TAF1A: variants seen among roughly 807,000 people sequenced by gnomAD.
TAF1A encodes TATA box-binding protein-associated factor RNA polymerase I subunit A.
TAF1A carries 42 observed loss-of-function variants against 61.6 expected under a neutral mutation model. The ratio of observed to expected loss-of-function variants is 0.68; its 90% confidence interval spans 0.53 to 0.88. The LOEUF (loss-of-function observed/expected upper bound fraction) is 0.88. Ranked by LOEUF, TAF1A falls within the 40% of genes least tolerant of loss-of-function variation. TAF1A has a pLI of 0.00. For missense variants in TAF1A, 424 were observed against 518.7 expected, an observed-to-expected ratio of 0.82 and a Z score of 1.77; for synonymous variants, 179 against 177.7, an observed-to-expected ratio of 1.01 and a Z score of -0.06.
At chr1:222,568,033 T>G (rs549398756) in intron 7 of TAF1A, among the ~76,000 whole-genome samples, 2 of 151,980 alleles carry the variant, frequency 1.3e-5, no homozygotes, top group Non-Finnish European at 2.9e-5. Flanking sequence ...AAGTTCCAAA[T>G]GTACTAAATG....
intron 6 of TAF1A, 98 bp from the exon 7 acceptor site, chr1:222,569,766 A>G: frequency 8.6e-7 from 1 of 1,161,500 alleles, no homozygotes. Flanking sequence ...ATTTTTTAAA[A>G]ATCACAAAAC....
At chr1:222,559,314 T>G (rs4481859) in intron 10 of TAF1A, among the ~76,000 whole-genome samples, 54,927 of 152,152 alleles carry the variant, frequency 0.36, 12,339 homozygotes, top group Non-Finnish European at 0.49. Flanking sequence ...CATTATCTAT[T>G]CATTCTAGCC....
intron 2 of TAF1A, among the ~76,000 whole-genome samples, chr1:222,587,449 A>C (rs1661059529): frequency 6.6e-6 from 1 of 152,176 alleles, no homozygotes; most frequent in South Asian, 2.1e-4. Flanking sequence ...AGATCAAAAG[A>C]AAAAAATGGA....
intron 2 of TAF1A, among the ~76,000 whole-genome samples, chr1:222,585,537 T>C (rs1257228339): frequency 2.6e-5 from 4 of 151,214 alleles, no homozygotes; most frequent in Non-Finnish European, 5.9e-5. Flanking sequence ...AGCCTAGACC[T>C]CCTGGGTTCA....
chr1:222,581,561 A>G (rs1660790147), intron 3 of TAF1A, among the ~76,000 whole-genome samples: 1 of 152,232 alleles, frequency 6.6e-6, no homozygotes, highest in Non-Finnish European at 1.5e-5. Flanking sequence ...ACAATAACCA[A>G]GAAATATAAT....
chr1:222,557,124 C>A (rs4570429), downstream of TAF1A, among the ~76,000 whole-genome samples: 152,120 of 152,386 alleles, frequency 1, 75,928 homozygotes, highest in Non-Finnish European at 1. Context: ...ATTAGTAGGA[C>A]TATAAGCCAA....
intron 3 of TAF1A, 59 bp from the exon 4 acceptor site, chr1:222,579,931 T>C (rs572435443): frequency 1.5e-5 from 24 of 1,558,054 alleles, no homozygotes; most frequent in Non-Finnish European, 1.9e-5. Context: ...AATTTCTGTC[T>C]AAGATATTGT....
chr1:222,588,413 A>G (rs1661110013), intron 2 of TAF1A, 30 bp downstream of exon 2: 1 of 1,602,816 alleles, frequency 6.2e-7, no homozygotes, highest in African/African-American at 1.3e-5. Flanking sequence ...CCTTAAAGTT[A>G]AAATGGCTCA....
downstream of TAF1A, among the ~76,000 whole-genome samples, chr1:222,554,786 A>G (rs989299237): frequency 3.7e-4 from 56 of 152,238 alleles, no homozygotes; most frequent in Middle Eastern, 3.4e-3. Context: ...TGGAATTTGA[A>G]CCCAGACCTT....
At chr1:222,565,836 A>G (rs373324978) in intron 7 of TAF1A, among the ~76,000 whole-genome samples, 3 of 152,312 alleles carry the variant, frequency 2.0e-5, no homozygotes, top group East Asian at 3.9e-4. Flanking sequence ...ATTGCACTCC[A>G]GCTTGGGCAA....
At chr1:222,558,072 CAGGGTTT>C (rs1386258341), downstream of TAF1A, 1 of 151,866 alleles carries the variant, frequency 6.6e-6, no homozygotes, top group Non-Finnish European at 1.5e-5. Flanking sequence ...TTAGTAGAGA[CAGGGTTT>C]CACTGTGTTG....
intron 4 of TAF1A, among the ~76,000 whole-genome samples, chr1:222,579,134 C>T (rs772717363): frequency 6.6e-6 from 1 of 152,172 alleles, no homozygotes; most frequent in Non-Finnish European, 1.5e-5. Context: ...ATTTAATTTC[C>T]ACTCACAGTA....
At chr1:222,573,548 A>G (rs1660445520) in intron 5 of TAF1A, among the ~76,000 whole-genome samples, 3 of 152,218 alleles carry the variant, frequency 2.0e-5, no homozygotes, top group Non-Finnish European at 4.4e-5. Flanking sequence ...CAAAACTACA[A>G]GATGCCATTT....
chr1:222,566,181 G>A (rs2102644354), intron 7 of TAF1A, among the ~76,000 whole-genome samples: 1 of 152,168 alleles, frequency 6.6e-6, no homozygotes, highest in Non-Finnish European at 1.5e-5. Context: ...ATAGACATTT[G>A]CCAAAGATGA....
Position 222,584,276 on chromosome 1 carries a change from T to C in TAF1A, c.143A>G (p.Lys48Arg). ...AGCACTTGTTGTCTGAGCAAAATCC[T>C]TCCTCCTTTTCCCTCCAATGGCTAT... ...ETVAIGGKRRKDFAQTTSACL... is the reference protein window; with the variant it reads ...ETVAIGGKRRRDFAQTTSACL... The change falls in exon 3 of 11, where the codon AAG (lysine) becomes AGG (arginine). Residue 48 changes from lysine to arginine, a missense_variant. By Grantham distance (26) the Lys-to-Arg change is conservative. Coordinates refer to ENST00000352967, the MANE Select transcript of TAF1A (RefSeq NM_005681.4). 2 of 1,602,920 alleles carry C rather than the reference T, an allele frequency of 1.2e-6. No homozygotes were observed. Among genetic ancestry groups the C allele is most frequent in the East Asian group, 2.2e-5 (1 of 44,610 alleles).
chr1:222,559,799 A>G (rs1016607454), intron 10 of TAF1A, among the ~76,000 whole-genome samples: 1 of 152,066 alleles, frequency 6.6e-6, no homozygotes, highest in Non-Finnish European at 1.5e-5. Context: ...GGCACACTGC[A>G]TGCCACCGCA....
intron 5 of TAF1A, among the ~76,000 whole-genome samples, chr1:222,573,738 C>T (rs919529515): frequency 1.3e-5 from 2 of 152,164 alleles, no homozygotes; most frequent in African/African-American, 4.8e-5. Flanking sequence ...CCAGCAATTT[C>T]TCTCTTAGGT....
intron 1 of TAF1A, among the ~76,000 whole-genome samples, chr1:222,589,353 T>C (rs995789835): frequency 6.6e-6 from 1 of 152,216 alleles, no homozygotes; most frequent in African/African-American, 2.4e-5. Context: ...GTGCCTAGAT[T>C]ACCGCATCAG....
At chr1:222,575,574 T>C (rs563822438) in intron 5 of TAF1A, among the ~76,000 whole-genome samples, 2 of 152,266 alleles carry the variant, frequency 1.3e-5, no homozygotes, top group East Asian at 1.9e-4. Flanking sequence ...GAATTTATTA[T>C]AGAAGGAGGT....
Sources: allele counts gnomAD v4.1 joint callset (sites outside exome capture counted in the v4.1 genomes callset), GRCh38; gene constraint gnomAD v4.1.1; transcripts MANE v1.5; gene names NCBI Gene and HGNC (gene_info 2026-07-23, HGNC 2026-07-21).